Variants in XRCC5 observed in about 807,000 individuals in gnomAD.
The protein encoded by XRCC5 is X-ray repair cross complementing 5.
XRCC5 carries 12 observed loss-of-function variants against 95.7 expected under a neutral mutation model. The ratio of observed to expected loss-of-function variants is 0.13; its 90% confidence interval spans 0.08 to 0.20. XRCC5 has a LOEUF of 0.20. XRCC5 is among the 10% of genes least tolerant of loss of function. The probability of loss-of-function intolerance (pLI) is 1.00; values close to 1 mark genes in which losing one functional copy is unlikely to be tolerated. For missense variants in XRCC5, 595 were observed against 873.9 expected (o/e 0.68, Z 4.02); for synonymous variants, 281 against 290.3 (o/e 0.97, Z 0.33).
rs574707768 is a variant in XRCC5, at chr2:216,172,074, A to G, written c.1834+10026A>G. Among the ~76,000 whole-genome samples, 17 of 152,350 alleles carry G rather than the reference A, an allele frequency of 1.1e-4. No homozygotes were observed. The South Asian group carries it at 2.7e-3, about 24-fold the overall frequency. On this transcript the variant is annotated intron_variant, in intron 16 of 20. Coordinates refer to ENST00000392132, the MANE Select transcript of XRCC5 (RefSeq NM_021141.4). The stretch of plus-strand genomic sequence containing the variant: ...AGGTTGCAAGGTGATGCTGGCCTAC[A>G]TGACTTGTTCTGATAATCCTGAGTT...
intron 14 of XRCC5, 114 bp downstream of exon 14, chr2:216,148,390 A>ATCT: frequency 1.0e-6 from 1 of 965,404 alleles, no homozygotes; most frequent in Admixed American, 3.2e-5. Flanking sequence ...GGTGAGAGGA[A>ATCT]GAAGCCTTTT....
chr2:216,194,720 C>T (rs2106049810), intron 18 of XRCC5, among the ~76,000 whole-genome samples, 199 bp from the exon 19 acceptor site: 1 of 152,250 alleles, frequency 6.6e-6, no homozygotes, highest in East Asian at 1.9e-4. Flanking sequence ...CTTGTAATCC[C>T]AGCACTTTGG....
chr2:216,181,295 C>T (rs1206381791), intron 16 of XRCC5, among the ~76,000 whole-genome samples: 1 of 152,110 alleles, frequency 6.6e-6, no homozygotes, highest in Non-Finnish European at 1.5e-5. Context: ...CTTCAAAGTT[C>T]TCCTTCATTC....
chr2:216,154,979 A>G (rs1574469313), intron 14 of XRCC5, among the ~76,000 whole-genome samples: 3 of 152,222 alleles, frequency 2.0e-5, no homozygotes, highest in Middle Eastern at 6.8e-3. Flanking sequence ...AAAACCATTT[A>G]TCATTTCACA....
At position 216,136,793 on chromosome 2, in the gene XRCC5, GACAA is replaced by G. The variant is rs568118663; in HGVS notation, c.1114-289_1114-286del. ...TGATAGCAATTTGTGGAGAGGGAAG[GACAA>G]ACAAAAGATTTGTTTAGGAGGGCTG... On this transcript the variant is annotated intron_variant, in intron 10 of 20. Transcript: ENST00000392132. 1.0e-3 allele frequency among the ~76,000 whole-genome samples: 153 copies of G among 152,254 alleles called. 1 individual carries two copies. Among genetic ancestry groups the G allele is most frequent in the African/African-American group, 3.5e-3 (145 of 41,544 alleles).
chr2:216,175,133 C>T (rs577179617), intron 16 of XRCC5: 19 of 342,578 alleles, frequency 5.5e-5, no homozygotes, highest in Non-Finnish European at 9.7e-5. Flanking sequence ...TCCCCATACC[C>T]GCCATTGTGG....
chr2:216,158,881 T>A (rs1420395290), intron 14 of XRCC5, among the ~76,000 whole-genome samples: 1 of 152,232 alleles, frequency 6.6e-6, no homozygotes, highest in Non-Finnish European at 1.5e-5. Flanking sequence ...ATTTTATTTT[T>A]AAAATTTATT....
At chr2:216,123,207 C>T (rs1417675932) in intron 6 of XRCC5, among the ~76,000 whole-genome samples, 1 of 152,064 alleles carries the variant, frequency 6.6e-6, no homozygotes, top group African/African-American at 2.4e-5. Flanking sequence ...TTTTAAGTAG[C>T]TACAGTGTAT....
chr2:216,130,342 T>C (rs551519582), intron 8 of XRCC5, among the ~76,000 whole-genome samples: 66 of 151,328 alleles, frequency 4.4e-4, no homozygotes, highest in African/African-American at 1.5e-3. Flanking sequence ...GAAATTTAAA[T>C]ATAGAAAAAT....
chr2:216,150,153 T>C (rs796332945), intron 14 of XRCC5, among the ~76,000 whole-genome samples: 2 of 152,102 alleles, frequency 1.3e-5, no homozygotes, highest in Non-Finnish European at 2.9e-5. Flanking sequence ...TTTGTATATA[T>C]TCATCATCTC....
intron 16 of XRCC5, among the ~76,000 whole-genome samples, chr2:216,162,791 A>G (rs1320094002): frequency 2.6e-5 from 4 of 152,182 alleles, no homozygotes; most frequent in African/African-American, 9.7e-5. Flanking sequence ...CTGCCCCTAA[A>G]TTTAATCCTT....
At chr2:216,138,665 G>A (rs1448630754) in intron 12 of XRCC5, among the ~76,000 whole-genome samples, 3 of 152,170 alleles carry the variant, frequency 2.0e-5, no homozygotes, top group African/African-American at 7.2e-5. Flanking sequence ...CTTCAGGCTT[G>A]ATGTGAAAGC....
chr2:216,193,804 A>G (rs1397066881), intron 18 of XRCC5, among the ~76,000 whole-genome samples: 1 of 152,228 alleles, frequency 6.6e-6, no homozygotes, highest in Non-Finnish European at 1.5e-5. Context: ...AAGGCCATTC[A>G]TAGGTACACA....
At chr2:216,157,691 A>C (rs1258644883) in intron 14 of XRCC5, among the ~76,000 whole-genome samples, 1 of 152,230 alleles carries the variant, frequency 6.6e-6, no homozygotes, top group Non-Finnish European at 1.5e-5. Context: ...GCTGATATAT[A>C]GTACATATTC....
chr2:216,174,536 A>AT (rs1448321173), intron 16 of XRCC5, among the ~76,000 whole-genome samples: 1 of 152,218 alleles, frequency 6.6e-6, no homozygotes, highest in Non-Finnish European at 1.5e-5. Flanking sequence ...AAGTTCTTTA[A>AT]TTTTTTTATT....
intron 16 of XRCC5, among the ~76,000 whole-genome samples, chr2:216,170,037 CAAAAAAAAAAAAAAAAA>C (rs71047982): frequency 0.021 from 1,121 of 53,712 alleles, 39 homozygotes; most frequent in African/African-American, 0.055. Flanking sequence ...GACTGTGTCT[CAAAAAAAAAAAAAAAAA>C]AAAAAAAAAA....
At chr2:216,123,266 G>C (rs567513842) in intron 6 of XRCC5, among the ~76,000 whole-genome samples, 1 of 152,150 alleles carries the variant, frequency 6.6e-6, no homozygotes, top group Non-Finnish European at 1.5e-5. Context: ...TTTCTGATGA[G>C]CTATAATTGA....
chr2:216,120,804 C>T (rs548448018), intron 5 of XRCC5, among the ~76,000 whole-genome samples: 4 of 152,216 alleles, frequency 2.6e-5, no homozygotes, highest in African/African-American at 7.2e-5. Context: ...GGTGCAATCT[C>T]GGCTCACTGC....
chr2:216,157,739 A>C (rs1037013198), intron 14 of XRCC5, among the ~76,000 whole-genome samples: 5 of 152,264 alleles, frequency 3.3e-5, no homozygotes, highest in Non-Finnish European at 5.9e-5. Context: ...TGCAAAATTC[A>C]TACATGTTTG....
Sources: allele counts gnomAD v4.1 joint callset (sites outside exome capture counted in the v4.1 genomes callset), GRCh38; gene constraint gnomAD v4.1.1; transcripts MANE v1.5; gene names NCBI Gene and HGNC (gene_info 2026-07-23, HGNC 2026-07-21).